The following PRKCZ variants were observed in gnomAD, a reference collection of about 807,000 sequenced individuals.
The protein encoded by PRKCZ is protein kinase C zeta type.
Under a neutral mutation model 79.5 loss-of-function variants are expected in PRKCZ, and 33 were observed. That is an observed-to-expected ratio of 0.41 (90% CI 0.31 to 0.55). The LOEUF (loss-of-function observed/expected upper bound fraction) is 0.55. PRKCZ is among the 20% of genes least tolerant of loss of function. The pLI is 0.19. For synonymous variants in PRKCZ, 342 were observed against 320.9 expected, an observed-to-expected ratio of 1.07 and a Z score of -0.70; for missense variants, 578 against 813.5, an observed-to-expected ratio of 0.71 and a Z score of 3.52.
chr1:2,179,802 G>A (rs894315386), intron 16 of PRKCZ, among the ~76,000 whole-genome samples: 38 of 152,256 alleles, frequency 2.5e-4, no homozygotes, highest in African/African-American at 8.7e-4. Context: ...TGTGGTGGGA[G>A]CCTCAGGACT....
intron 7 of PRKCZ, among the ~76,000 whole-genome samples, chr1:2,146,459 A>C (rs925017960): frequency 3.9e-5 from 6 of 152,194 alleles, no homozygotes; most frequent in Non-Finnish European, 8.8e-5. Flanking sequence ...CACCTCCCAC[A>C]ATCTGGCTGC....
chr1:2,069,291 G>A (rs148721456), intron 4 of PRKCZ, among the ~76,000 whole-genome samples: 25 of 152,230 alleles, frequency 1.6e-4, no homozygotes, highest in African/African-American at 6.0e-4. Flanking sequence ...TTTGGGAGGC[G>A]TGGTCCAGGA....
At chr1:2,055,304 G>C in intron 1 of PRKCZ, 137 bp from the exon 2 acceptor site, 2 of 1,062,976 alleles carry the variant, frequency 1.9e-6, no homozygotes, top group Non-Finnish European at 2.6e-6. Flanking sequence ...TGGGAGGGGG[G>C]AGGGGGTGGG....
intron 4 of PRKCZ, among the ~76,000 whole-genome samples, chr1:2,133,053 C>G (rs1205335051): frequency 6.6e-6 from 1 of 152,212 alleles, no homozygotes; most frequent in Non-Finnish European, 1.5e-5. Flanking sequence ...AGAGTTTGTT[C>G]ACCCTGCTGG....
rs779733018 is a variant in PRKCZ at position 2,174,055 on chromosome 1, C to T, written c.1405+39C>T. 1.9e-5 allele frequency: 29 copies of T among 1,540,450 alleles called. No individual in the cohort carries two copies. Among genetic ancestry groups the T allele is most frequent in the East Asian group, 7.3e-5 (3 of 41,244 alleles). ...TGTGCGTTCGTACCCCTCACCTGCA[C>T]GACTGTCTTCCTTCCTTTTCAAAGG... On this transcript the variant is annotated intron_variant, in intron 14 of 17. Coordinates refer to ENST00000378567, the MANE Select transcript of PRKCZ (RefSeq NM_002744.6). This position sits in a 1 kb window ranked among gnomAD's most constrained non-coding sequence, Gnocchi z 6.2.
At position 2,127,400 on chromosome 1, in the gene PRKCZ, C is replaced by T. The variant is rs562528441; in HGVS notation, c.335-7862C>T. ...GAGGGGCTGCACCTCCACTGCCCCC[C>T]CCACCGCCGCCCCTGCCCCACGGCC... On this transcript the variant is annotated intron_variant, in intron 4 of 17. Coordinates refer to ENST00000378567, the MANE Select transcript of PRKCZ (RefSeq NM_002744.6). This position sits in a 1 kb window ranked among gnomAD's most constrained non-coding sequence, Gnocchi z 5.1. Among the ~76,000 whole-genome samples, 1 of 152,098 alleles carries T rather than the reference C, an allele frequency of 6.6e-6. No homozygotes were observed. Among genetic ancestry groups the T allele is most frequent in the Non-Finnish European group, 1.5e-5 (1 of 68,016 alleles).
chr1:2,073,508 T>C (rs2678942), intron 4 of PRKCZ: 207,365 of 550,554 alleles, frequency 0.38, 47,784 homozygotes, highest in East Asian at 0.95. Flanking sequence ...GGTTCTGTTC[T>C]GATGTCGCAT....
intron 7 of PRKCZ, among the ~76,000 whole-genome samples, chr1:2,147,325 A>ATCTG (rs1678794032): frequency 1.4e-5 from 2 of 143,606 alleles, no homozygotes; most frequent in African/African-American, 5.3e-5. Flanking sequence ...CCATCTTTCC[A>ATCTG]TCTGTTGTCC....
At chr1:2,057,771 C>G (rs1660312257) in intron 3 of PRKCZ, among the ~76,000 whole-genome samples, 1 of 152,158 alleles carries the variant, frequency 6.6e-6, no homozygotes, top group Non-Finnish European at 1.5e-5. Flanking sequence ...GTGGCACTAT[C>G]TCTGTTCACT....
intron 4 of PRKCZ, among the ~76,000 whole-genome samples, chr1:2,124,385 A>ACT (rs1469419656): frequency 6.8e-5 from 8 of 118,190 alleles, no homozygotes; most frequent in African/African-American, 2.5e-4. Flanking sequence ...GGTTAGGGTC[A>ACT]CGGCGGTGGT....
rs1416040334 is a variant in PRKCZ at position 2,082,049 on chromosome 1, C to T, written c.334+22458C>T. ...ATTAAAGCAGGCTTGATCCGGGCTG[C>T]CGTGGTTCCGATCGACTCCGAATAG... is the stretch of plus-strand genomic sequence containing the variant. On this transcript the variant is annotated intron_variant, in intron 4 of 17. Transcript: ENST00000378567. This position sits in a 1 kb window ranked among gnomAD's most constrained non-coding sequence, Gnocchi z 4.4. Among the ~76,000 whole-genome samples, 2 of 152,264 alleles carry T rather than the reference C, an allele frequency of 1.3e-5. No individual in the cohort carries two copies. The highest frequency in any genetic ancestry group is 4.8e-5 in the African/African-American group (2 of 41,468).
intron 4 of PRKCZ, among the ~76,000 whole-genome samples, chr1:2,087,206 CTGAG>C (rs1163478262): frequency 2.6e-5 from 4 of 152,190 alleles, no homozygotes; most frequent in African/African-American, 9.6e-5. Flanking sequence ...CCTCAGCCTC[CTGAG>C]TAGCTGGGAT....
chr1:2,069,046 C>T (rs552976537), intron 4 of PRKCZ, among the ~76,000 whole-genome samples: 1 of 152,302 alleles, frequency 6.6e-6, no homozygotes, highest in East Asian at 1.9e-4. Context: ...GACACGTGGC[C>T]TGGTTCCTGC....
intron 4 of PRKCZ, among the ~76,000 whole-genome samples, chr1:2,090,893 A>G (rs572660812): frequency 6.6e-6 from 1 of 152,380 alleles, no homozygotes. Flanking sequence ...TGGAATTTGT[A>G]GGACCTCAGT....
chr1:2,138,745 GC>G (rs1676732832), intron 5 of PRKCZ, among the ~76,000 whole-genome samples: 1 of 152,138 alleles, frequency 6.6e-6, no homozygotes, highest in South Asian at 2.1e-4. Flanking sequence ...GATCCATCTG[GC>G]CAACATGGTG....
intron 2 of PRKCZ, 199 bp downstream of exon 2, chr1:2,055,761 G>A: frequency 1.3e-6 from 1 of 753,654 alleles, no homozygotes; most frequent in South Asian, 2.1e-5. Context: ...CCTGGGCCCA[G>A]ATGCCCCTAG....
At chr1:2,095,699 G>GCTCCC (rs1409094623) in intron 4 of PRKCZ, among the ~76,000 whole-genome samples, 101 of 150,658 alleles carry the variant, frequency 6.7e-4, no homozygotes, top group Non-Finnish European at 3.4e-4. Context: ...ACTCGCCACA[G>GCTCCC]CTCCCCTCCC....
intron 4 of PRKCZ, among the ~76,000 whole-genome samples, chr1:2,091,005 A>T (rs540367533): frequency 9.2e-5 from 14 of 152,320 alleles, no homozygotes; most frequent in African/African-American, 3.1e-4. Context: ...TTTAATAAAG[A>T]GGTCAGAGAG....
intron 4 of PRKCZ, among the ~76,000 whole-genome samples, chr1:2,069,369 A>G (rs1197852200): frequency 1.3e-5 from 2 of 152,038 alleles, no homozygotes; most frequent in Non-Finnish European, 2.9e-5. Flanking sequence ...GTCCTGGGCA[A>G]GGGGGCATGG....
Sources: gnomAD v4.1 joint callset for allele counts (sites outside exome capture counted in the v4.1 genomes callset) on GRCh38, gnomAD v4.1.1 for gene constraint, Gnocchi (gnomAD v3.1) non-coding constraint, MANE v1.5 for transcripts, NCBI Gene and HGNC (gene_info 2026-07-23, HGNC 2026-07-21) for gene names.